The following SYN3 variants were observed in gnomAD, a reference collection of about 807,000 sequenced individuals.
The protein encoded by SYN3 is synapsin-3.
In SYN3, 35 loss-of-function variants were observed where a neutral mutation model predicts 65.8. The observed-to-expected ratio is 0.53, with a 90% CI of 0.41 to 0.70. The LOEUF is 0.70. Ranked by LOEUF, SYN3 falls within the 30% of genes least tolerant of loss-of-function variation. The pLI is 0.00. For missense variants in SYN3, 680 were observed against 749.0 expected (o/e 0.91, Z 1.08); for synonymous variants, 270 against 292.9 (o/e 0.92, Z 0.80).
chr22:32,850,276 T>C (rs774315075), intron 6 of SYN3, among the ~76,000 whole-genome samples: 2 of 152,010 alleles, frequency 1.3e-5, no homozygotes, highest in Non-Finnish European at 2.9e-5. Context: ...CCTGCTTACC[T>C]TGGGCTTGTC....
At chr22:32,729,728 G>C (rs2061245360) in intron 6 of SYN3, among the ~76,000 whole-genome samples, 1 of 152,170 alleles carries the variant, frequency 6.6e-6, no homozygotes, top group South Asian at 2.1e-4. Flanking sequence ...TTGCTCAGCA[G>C]GCATGTGAAG....
At chr22:32,599,289 A>T (rs2059247016) in intron 6 of SYN3, among the ~76,000 whole-genome samples, 1 of 150,994 alleles carries the variant, frequency 6.6e-6, no homozygotes, top group South Asian at 2.1e-4. Context: ...CTTAAGAAAT[A>T]AAACACTGCT....
chr22:32,650,236 TCCCTCCCTCCCTCCCTCCCTCCCTC>T (rs2060045473), intron 6 of SYN3, among the ~76,000 whole-genome samples: 9 of 82,018 alleles, frequency 1.1e-4, no homozygotes, highest in African/African-American at 5.0e-4. Context: ...TCTCTCTCCC[TCCCTCCCTCCCTCCCTCCCTCCCTC>T]TCTCTCTCTC....
intron 6 of SYN3, among the ~76,000 whole-genome samples, chr22:32,769,593 C>T (rs1028989431): frequency 7.3e-5 from 11 of 150,952 alleles, no homozygotes; most frequent in South Asian, 2.1e-4. Flanking sequence ...CTCGGCTCAA[C>T]GCAACCTCCG....
intron 6 of SYN3, among the ~76,000 whole-genome samples, chr22:32,680,384 T>C (rs1252289756): frequency 1.3e-5 from 2 of 152,222 alleles, no homozygotes; most frequent in Admixed American, 6.5e-5. Flanking sequence ...TGTTTGTTTT[T>C]CCCTTGTTTG....
At chr22:32,926,509 C>T (rs1172086638) in intron 4 of SYN3, among the ~76,000 whole-genome samples, 1 of 151,954 alleles carries the variant, frequency 6.6e-6, no homozygotes, top group Non-Finnish European at 1.5e-5. Context: ...CTTCCTTTTC[C>T]CTAGTAATGC....
chr22:32,516,019 C>T (rs919171751), intron 13 of SYN3, among the ~76,000 whole-genome samples: 6 of 152,066 alleles, frequency 3.9e-5, no homozygotes, highest in East Asian at 1.9e-4. Flanking sequence ...AGGATGGTCT[C>T]GATCTCCTGA....
intron 2 of SYN3, among the ~76,000 whole-genome samples, chr22:32,993,639 C>G (rs191918247): frequency 1.3e-3 from 191 of 152,326 alleles, no homozygotes; most frequent in African/African-American, 4.3e-3. Context: ...CCACCATGCC[C>G]GGCCCAAAGT....
intron 7 of SYN3, among the ~76,000 whole-genome samples, chr22:32,552,718 A>G (rs968932156): frequency 3.3e-5 from 5 of 152,074 alleles, no homozygotes; most frequent in Non-Finnish European, 7.4e-5. Flanking sequence ...GAGATTTACA[A>G]CCCATTCTTG....
At chr22:32,797,491 G>A (rs908396086) in intron 6 of SYN3, among the ~76,000 whole-genome samples, 3 of 152,074 alleles carry the variant, frequency 2.0e-5, no homozygotes. Flanking sequence ...TGAAGGATGT[G>A]GAAGAGTTCA....
Position 32,630,700 on chromosome 22 carries a change from T to C in SYN3, c.712-33964A>G, listed in dbSNP as rs111262277. Among the ~76,000 whole-genome samples, 589 of 152,326 alleles carry C rather than the reference T, an allele frequency of 3.9e-3. 4 individuals carry two copies. The highest frequency in any genetic ancestry group is 0.016 in the South Asian group (79 of 4,830). On this transcript the variant is annotated intron_variant, in intron 6 of 13. Transcript: ENST00000358763. ...ATGTGACCAACACTTAATCAAGACA[T>C]AGGCCATTTCCATCTCTGCGGCAAG...
intron 7 of SYN3, among the ~76,000 whole-genome samples, chr22:32,550,700 C>A (rs1406631489): frequency 1.1e-4 from 16 of 148,356 alleles, no homozygotes; most frequent in East Asian, 2.0e-4. Flanking sequence ...CTAGAAATGG[C>A]AAAAAAAAAA....
intron 7 of SYN3, among the ~76,000 whole-genome samples, chr22:32,577,501 G>A (rs1005443685): frequency 1.3e-5 from 2 of 152,054 alleles, no homozygotes; most frequent in African/African-American, 2.4e-5. Flanking sequence ...TAAGTACAGC[G>A]TCTACACACA....
chr22:33,002,744 C>T (rs2053096681), intron 2 of SYN3, among the ~76,000 whole-genome samples: 1 of 152,194 alleles, frequency 6.6e-6, no homozygotes, highest in Non-Finnish European at 1.5e-5. Flanking sequence ...AGTGTATATA[C>T]ATGCACATTG....
At chr22:32,708,194 T>C (rs868797511) in intron 6 of SYN3, among the ~76,000 whole-genome samples, 5 of 152,194 alleles carry the variant, frequency 3.3e-5, no homozygotes, top group Admixed American at 6.5e-5. Context: ...TGTGGCCACG[T>C]TGGGGGCTGT....
At chr22:32,755,717 T>C (rs1212040755) in intron 6 of SYN3, among the ~76,000 whole-genome samples, 2 of 152,178 alleles carry the variant, frequency 1.3e-5, no homozygotes, top group East Asian at 3.9e-4. Flanking sequence ...GCAACCTTCA[T>C]CTACCATGGT....
At chr22:32,621,987 C>A (rs748754081) in intron 6 of SYN3, among the ~76,000 whole-genome samples, 7 of 151,798 alleles carry the variant, frequency 4.6e-5, no homozygotes, top group Non-Finnish European at 1.0e-4. Context: ...TGATATAACT[C>A]TTCTGCTTGA....
chr22:32,650,124 C>G (rs762899), intron 6 of SYN3, among the ~76,000 whole-genome samples: 21,664 of 152,086 alleles, frequency 0.14, 2,460 homozygotes, highest in East Asian at 0.62. Flanking sequence ...TCAAATTTCT[C>G]TATTCATTCT....
chr22:32,717,269 C>CTCACCTAAGAT (rs1161880407), intron 6 of SYN3, among the ~76,000 whole-genome samples: 1 of 152,192 alleles, frequency 6.6e-6, no homozygotes, highest in Non-Finnish European at 1.5e-5. Flanking sequence ...GAAGTCTGAA[C>CTCACCTAAGAT]TCACCTAAGA....
Sources: allele counts gnomAD v4.1 joint callset (sites outside exome capture counted in the v4.1 genomes callset), GRCh38; gene constraint gnomAD v4.1.1; transcripts MANE v1.5; gene names NCBI Gene and HGNC (gene_info 2026-07-23, HGNC 2026-07-21).